Variants in RHOC observed in about 807,000 individuals in gnomAD.
RHOC encodes rho-related GTP-binding protein RhoC.
Under a neutral mutation model 19.5 loss-of-function variants are expected in RHOC, and 13 were observed. The observed-to-expected ratio is 0.67, with a 90% CI of 0.43 to 1.06. The LOEUF is 1.06. RHOC is among the 50% of genes least tolerant of loss of function. The pLI, the probability that RHOC is intolerant of heterozygous loss-of-function variation, is 0.00. For synonymous variants in RHOC, 106 were observed against 97.3 expected, an observed-to-expected ratio of 1.09 and a Z score of -0.52; for missense variants, 173 against 256.9, an observed-to-expected ratio of 0.67 and a Z score of 2.23.
At chr1:112,704,913 C>A in intron 2 of RHOC, 187 bp downstream of exon 2, 1 of 609,970 alleles carries the variant, frequency 1.6e-6, no homozygotes, top group Non-Finnish European at 3.0e-6. Flanking sequence ...TCTGGAACAG[C>A]CCCTTCCTCC....
chr1:112,705,009 C>T, intron 2 of RHOC, 91 bp downstream of exon 2: 1 of 680,150 alleles, frequency 1.5e-6, no homozygotes, highest in South Asian at 1.5e-5. Flanking sequence ...CATGTGTCCC[C>T]CACCCCCAGC....
intron 2 of RHOC, 33 bp from the exon 3 acceptor site, chr1:112,703,839 A>G (rs1314916346): frequency 6.3e-7 from 1 of 1,587,020 alleles, no homozygotes; most frequent in East Asian, 2.3e-5. Flanking sequence ...GATTTGAGGA[A>G]AAGCCATTAA....
chr1:112,706,509 C>CAA (rs1674893504), intron 1 of RHOC, among the ~76,000 whole-genome samples: 2 of 79,386 alleles, frequency 2.5e-5, no homozygotes. Flanking sequence ...CACACACACA[C>CAA]ACACACACAC....
intron 4 of RHOC, 73 bp from the exon 5 acceptor site, chr1:112,702,766 C>T: frequency 6.3e-7 from 1 of 1,583,252 alleles, no homozygotes; most frequent in Non-Finnish European, 8.6e-7. Flanking sequence ...GGGCCCTCAT[C>T]TTCCCAGAGC....
rs768925209 is a variant in RHOC at position 112,701,480 on chromosome 1, G to A, written c.*60C>T. The A allele has an allele frequency of 1.2e-6, 2 of 1,613,750 alleles. No individual in the cohort carries two copies. The highest frequency in any genetic ancestry group is 2.2e-5 in the East Asian group (1 of 44,866). On this transcript the variant is annotated 3_prime_UTR_variant, in exon 6 of 6. Transcript: ENST00000339083. ...GAGCCCTCAGGAGGCTGGGGTTGTA[G>A]GGGGATAATTTCTGTACCCCTGTGA...
chr1:112,701,754 C>A (rs748007915), intron 5 of RHOC, 41 bp from the exon 6 acceptor site: 1 of 1,596,904 alleles, frequency 6.3e-7, no homozygotes, highest in Non-Finnish European at 8.6e-7. Context: ...AAGCTGTTGA[C>A]TACATGAACC....
At chr1:112,705,743 A>G (rs954679) in intron 1 of RHOC, 261,856 of 446,936 alleles carry the variant, frequency 0.59, 78,174 homozygotes, top group South Asian at 0.68. Flanking sequence ...CCTGTTTTGT[A>G]AAGATGGGCT....
rs764236081 is a variant in RHOC, at chr1:112,703,051, C to T, written c.225G>A (p.Pro75=). ...AGCACATGAGGATGACATCAGTGTCCGGGTAGGAGAGAGGCCGCAGTCGAT... is the reference window on the plus strand; with the variant it reads ...AGCACATGAGGATGACATCAGTGTCTGGGTAGGAGAGAGGCCGCAGTCGAT... The part of the protein sequence containing the change: ...DYDRLRPLSY[P]DTDVILMCFS... The change falls in exon 4 of 6, where the codon CCG becomes CCA. Residue 75 remains proline (P), a synonymous_variant. Coordinates refer to ENST00000339083, the MANE Select transcript of RHOC (RefSeq NM_175744.5). The T allele has an allele frequency of 8.1e-6, 13 of 1,614,018 alleles. 1 individual carries two copies. In the South Asian group the frequency reaches 8.8e-5, roughly 11 times the overall value.
chr1:112,706,671 T>TC (rs1674908150), intron 1 of RHOC: 2 of 151,448 alleles, frequency 1.3e-5, no homozygotes, highest in Middle Eastern at 3.4e-3. Flanking sequence ...CCGCCATACC[T>TC]CCCTCCTGGC....
At position 112,701,373 on chromosome 1, in the gene RHOC, G is replaced by T; in HGVS notation, c.*167C>A. The T allele has an allele frequency of 1.3e-6, 2 of 1,520,542 alleles. No individual in the cohort carries two copies. The highest frequency in any genetic ancestry group is 1.3e-5 in the South Asian group (1 of 79,194). The allele number at this position is 1,520,542 out of a possible 1,614,324, so 94.2% of individuals were successfully genotyped here. On this transcript the variant is annotated 3_prime_UTR_variant, in exon 6 of 6. Coordinates refer to ENST00000339083, the MANE Select transcript of RHOC (RefSeq NM_175744.5). ...GCGTGGCTCCCAGAGCGCTGGGAGG[G>T]AGGGCCCGTGCCACCACCTCGGGGC...
intron 5 of RHOC, 94 bp downstream of exon 5, chr1:112,702,469 C>T (rs113650665): frequency 2.2e-5 from 30 of 1,355,880 alleles, no homozygotes; most frequent in Admixed American, 1.9e-4. Context: ...CCCTAACACA[C>T]GGCAGTAGCT....
intron 4 of RHOC, 47 bp from the exon 5 acceptor site, chr1:112,702,740 G>T: frequency 8.1e-6 from 13 of 1,611,436 alleles, no homozygotes; most frequent in Non-Finnish European, 1.1e-5. Flanking sequence ...ACTTAAGCTA[G>T]AAAGCTCCCC....
chr1:112,704,647 G>T, intron 2 of RHOC: 1 of 186,954 alleles, frequency 5.3e-6, no homozygotes. Flanking sequence ...GAGGACAGGG[G>T]TAGCAGCCAG....
Position 112,701,554 on chromosome 1 carries a change from A to C in RHOC, c.568T>G (p.Cys190Gly). 6.2e-7 allele frequency: 1 copy of C among 1,614,096 alleles called. No individual in the cohort carries two copies. The highest frequency in any genetic ancestry group is 8.5e-7 in the Non-Finnish European group (1 of 1,179,978). ...QVRKNKRRRG[C>G]PIL The stretch of plus-strand genomic sequence containing the variant: ...CCTTGGGGATCTCAGAGAATGGGAC[A>C]GCCCCTCCGACGCTTGTTCTTGCGG... The change falls in exon 6 of 6, where the codon TGT becomes GGT. Residue 190 changes from cysteine (C) to glycine (G), a missense_variant. Cys to Gly is a radical substitution (Grantham distance 159). This residue lies in a region of RHOC where 81 missense variants were observed against 85.8 expected (regional missense o/e 0.94). Coordinates refer to ENST00000339083, the MANE Select transcript of RHOC (RefSeq NM_175744.5).
intron 2 of RHOC, chr1:112,704,538 G>A: frequency 6.3e-6 from 1 of 159,148 alleles, no homozygotes; most frequent in Non-Finnish European, 1.4e-5. Flanking sequence ...TAAGGGGCAG[G>A]GACAGCACCC....
Position 112,701,610 on chromosome 1 carries a change from AAC to A in RHOC, c.510_511del (p.Phe171Ter). 6.2e-7 allele frequency: 1 copy of A among 1,614,040 alleles called. No homozygotes were observed. Among genetic ancestry groups the A allele is most frequent in the Non-Finnish European group, 8.5e-7 (1 of 1,179,964 alleles). The stretch of plus-strand genomic sequence containing the variant: ...GAGGCCAGCCCGAGTGGCCATCTCA[AAC>A]ACCTCCCGCACTCCCTCCTTGGTCT... On this transcript the variant is annotated frameshift_variant, in exon 6 of 6. Transcript: ENST00000339083. LOFTEE classifies it high-confidence loss of function.
At chr1:112,705,737 T>A (rs1320400831) in intron 1 of RHOC, 2 of 450,276 alleles carry the variant, frequency 4.4e-6, no homozygotes, top group Non-Finnish European at 9.0e-6. Context: ...CCTTGCCCTG[T>A]TTTGTAAAGA....
intron 1 of RHOC, among the ~76,000 whole-genome samples, chr1:112,706,430 T>TCTCTCC (rs1491269480): frequency 2.0e-5 from 1 of 49,694 alleles, no homozygotes; most frequent in Non-Finnish European, 4.1e-5. Context: ...TCTCTCTCTC[T>TCTCTCC]ACACACACAC....
chr1:112,702,545 C>G lies in RHOC; in HGVS notation c.408+18G>C. The G allele has an allele frequency of 6.2e-7, 1 of 1,612,408 alleles. No homozygotes were observed. Among genetic ancestry groups the G allele is most frequent in the East Asian group, 2.2e-5 (1 of 44,816 alleles). On this transcript the variant is annotated intron_variant, in intron 5 of 5. Coordinates refer to ENST00000339083, the MANE Select transcript of RHOC (RefSeq NM_175744.5). ...GTGCATTCTTCCCCAGGGGCTCCAG[C>G]CTGGCAGCCGTACCCACCTGCTTCA... is the stretch of plus-strand genomic sequence containing the variant.
Sources: allele counts gnomAD v4.1 joint callset (sites outside exome capture counted in the v4.1 genomes callset), GRCh38; gene constraint gnomAD v4.1.1; regional missense constraint gnomAD v4.1.1; transcripts MANE v1.5; gene names NCBI Gene and HGNC (gene_info 2026-07-23, HGNC 2026-07-21).